The following PPARGC1B variants were observed in gnomAD, a reference collection of about 807,000 sequenced individuals.
PPARGC1B encodes the protein peroxisome proliferator-activated receptor gamma coactivator 1-beta.
Under a neutral mutation model 101.6 loss-of-function variants are expected in PPARGC1B, and 34 were observed. The observed-to-expected ratio is 0.33, with a 90% CI of 0.25 to 0.45. The LOEUF (loss-of-function observed/expected upper bound fraction) is 0.45, where lower values mean the gene tolerates loss of function less well. Among genes scored for constraint, PPARGC1B ranks in the 20% least tolerant of loss-of-function variants. PPARGC1B has a pLI of 1.00. For synonymous variants in PPARGC1B, 548 were observed against 539.3 expected (o/e 1.02, Z -0.22); for missense variants, 1,234 against 1,317.6 (o/e 0.94, Z 0.98).
In PPARGC1B at chr5:149,852,246, C is replaced by T. The variant is rs746319781; in HGVS notation, c.*4688C>T. 1 of 152,200 alleles carries T rather than the reference C, an allele frequency of 6.6e-6. No homozygotes were observed. Among genetic ancestry groups the T allele is most frequent in the Non-Finnish European group, 1.5e-5 (1 of 68,038 alleles). 9.4% of individuals were successfully genotyped at this position (152,200 alleles called of 1,614,324 possible). On this transcript the variant is annotated 3_prime_UTR_variant, in exon 12 of 12. Coordinates refer to ENST00000309241, the MANE Select transcript of PPARGC1B (RefSeq NM_133263.4). ...CTGTAAGCCATCTCAGAATCAGAAA[C>T]CCTAATGTTTCTTACTTGCTATGTG...
chr5:149,847,719 TCAA>T lies in PPARGC1B; in HGVS notation c.*162_*164del. On this transcript the variant is annotated 3_prime_UTR_variant, in exon 12 of 12. Coordinates refer to ENST00000309241, the MANE Select transcript of PPARGC1B (RefSeq NM_133263.4). ...TGCTGTCCTTTAAAAAAAAAAAAAA[TCAA>T]TGTTTACATTGAACAAAGCTGCTTC... The T allele has an allele frequency of 1.7e-6, 1 of 588,210 alleles. No homozygotes were observed. Among genetic ancestry groups the T allele is most frequent in the Non-Finnish European group, 3.0e-6 (1 of 330,884 alleles). The allele number at this position is 588,210 out of a possible 1,614,324, so 36.4% of individuals were successfully genotyped here.
rs1277860886 is a variant in PPARGC1B, at chr5:149,818,877, T to A, written c.79-1556T>A. 5 of 456,596 alleles carry A rather than the reference T, an allele frequency of 1.1e-5. No individual in the cohort carries two copies. The East Asian group carries it at 3.5e-4, about 32-fold the overall frequency. 28.3% of individuals were successfully genotyped at this position (456,596 alleles called of 1,614,324 possible). ...GGCAGATATTGTTGTTGTCCACGTT[T>A]TACAGATGAAGGGACTTGCCCAAAG... On this transcript the variant is annotated intron_variant, in intron 1 of 11. Transcript: ENST00000309241.
rs74399373 is a variant in PPARGC1B at position 149,803,223 on chromosome 5, C to T, written c.79-17210C>T. ...TTAGCACAGAGGATTCAGGTTGTGACTCCCCATCCAGTGTTCTCTACTATT... is the reference window on the plus strand; with the variant it reads ...TTAGCACAGAGGATTCAGGTTGTGATTCCCCATCCAGTGTTCTCTACTATT... On this transcript the variant is annotated intron_variant, in intron 1 of 11. Coordinates refer to ENST00000309241, the MANE Select transcript of PPARGC1B (RefSeq NM_133263.4). Among the ~76,000 whole-genome samples the T allele has an allele frequency of 5.0e-4, 76 of 152,296 alleles. 1 individual carries two copies. In the East Asian group the frequency reaches 0.012, roughly 24 times the overall value.
At chr5:149,767,704 C>T (rs1173152849) in intron 1 of PPARGC1B, among the ~76,000 whole-genome samples, 4 of 152,138 alleles carry the variant, frequency 2.6e-5, no homozygotes, top group African/African-American at 7.2e-5. Context: ...TCCCTTTGGA[C>T]ATCTGGCAGG....
intron 1 of PPARGC1B, among the ~76,000 whole-genome samples, chr5:149,761,053 G>A (rs1755699116): frequency 6.6e-6 from 1 of 152,124 alleles, no homozygotes; most frequent in Non-Finnish European, 1.5e-5. Context: ...AGACTGCTTG[G>A]GGTCTAATCC....
intron 2 of PPARGC1B, among the ~76,000 whole-genome samples, chr5:149,822,151 CAGA>C (rs1278477746): frequency 1.2e-4 from 18 of 152,272 alleles, no homozygotes; most frequent in African/African-American, 4.1e-4. Flanking sequence ...GGGCCAACTC[CAGA>C]AAATGCTTTT....
At chr5:149,739,528 G>A (rs1339699440) in intron 1 of PPARGC1B, among the ~76,000 whole-genome samples, 1 of 152,180 alleles carries the variant, frequency 6.6e-6, no homozygotes, top group Non-Finnish European at 1.5e-5. Flanking sequence ...TTCCAGAAGA[G>A]AGGAAGCTGA....
At chr5:149,757,376 G>A (rs1370740192) in intron 1 of PPARGC1B, among the ~76,000 whole-genome samples, 1 of 151,934 alleles carries the variant, frequency 6.6e-6, no homozygotes, top group African/African-American at 2.4e-5. Context: ...CAGGTGATAT[G>A]CTAGTTATAA....
chr5:149,850,934 A>C lies in PPARGC1B; in HGVS notation c.*3376A>C, dbSNP rs986642589. On this transcript the variant is annotated 3_prime_UTR_variant, in exon 12 of 12. Coordinates refer to ENST00000309241, the MANE Select transcript of PPARGC1B (RefSeq NM_133263.4). ...GGAAAATGCATCAAAGAGTTAAAGA[A>C]TATGAGTGGATGGAGTGCAGCTAAG... 1 of 152,162 alleles carries C rather than the reference A, an allele frequency of 6.6e-6. No homozygotes were observed. The highest frequency in any genetic ancestry group is 6.5e-5 in the Admixed American group (1 of 15,274). The allele number at this position is 152,162 out of a possible 1,614,324, so 9.4% of individuals were successfully genotyped here. A position where few individuals can be genotyped will look rare whatever the true frequency, so the allele number is the denominator to read the frequency against.
At chr5:149,751,954 A>G (rs1447937518) in intron 1 of PPARGC1B, among the ~76,000 whole-genome samples, 1 of 152,182 alleles carries the variant, frequency 6.6e-6, no homozygotes, top group African/African-American at 2.4e-5. Context: ...GGGAACAGCA[A>G]TCCCTGCATT....
Position 149,833,243 on chromosome 5 carries a change from G to T in PPARGC1B, c.1170G>T (p.Ser390=). ...AGGCCTCCCCTGGTCGCCCGTCCTC[G>T]GTGGAGGAGGTAAGGATCGCAGCTT... ...DSQASPGRPS[S]VEEVRIAASP... Residue 390 remains serine, a synonymous_variant, in exon 5 of 12, where the codon TCG becomes TCT. Transcript: ENST00000309241. The surrounding 1 kb of genome is among the most constrained non-coding windows in gnomAD (Gnocchi z 4.1). The T allele has an allele frequency of 1.2e-6, 2 of 1,613,336 alleles. No homozygotes were observed. The highest frequency in any genetic ancestry group is 1.7e-6 in the Non-Finnish European group (2 of 1,180,002).
chr5:149,765,214 T>C (rs1373771066), intron 1 of PPARGC1B, among the ~76,000 whole-genome samples: 1 of 152,242 alleles, frequency 6.6e-6, no homozygotes, highest in Non-Finnish European at 1.5e-5. Context: ...GGGGAGGGAA[T>C]ATGCCTGGGC....
intron 1 of PPARGC1B, among the ~76,000 whole-genome samples, chr5:149,760,121 G>A (rs932735386): frequency 2.0e-5 from 3 of 152,168 alleles, no homozygotes; most frequent in African/African-American, 7.2e-5. Flanking sequence ...CATTCCTTAC[G>A]CATACACTGT....
intron 1 of PPARGC1B, among the ~76,000 whole-genome samples, chr5:149,773,081 G>A (rs569572078): frequency 6.6e-6 from 1 of 152,300 alleles, no homozygotes; most frequent in African/African-American, 2.4e-5. Flanking sequence ...TGTTCTGCCC[G>A]TGTACCAGCT....
At chr5:149,733,969 A>G (rs538463487) in intron 1 of PPARGC1B, among the ~76,000 whole-genome samples, 1 of 152,318 alleles carries the variant, frequency 6.6e-6, no homozygotes, top group Non-Finnish European at 1.5e-5. Flanking sequence ...TAACCACTTA[A>G]TTGTCATGTA....
At chr5:149,800,101 C>G (rs1418534849) in intron 1 of PPARGC1B, among the ~76,000 whole-genome samples, 1 of 152,102 alleles carries the variant, frequency 6.6e-6, no homozygotes, top group African/African-American at 2.4e-5. Context: ...ATTCTCTGAC[C>G]TCTCCCATGC....
intron 1 of PPARGC1B, among the ~76,000 whole-genome samples, chr5:149,735,700 G>A (rs916781652): frequency 6.6e-6 from 1 of 152,220 alleles, no homozygotes; most frequent in Non-Finnish European, 1.5e-5. Flanking sequence ...GTAAGTAGAA[G>A]AGCCAGCATT....
In PPARGC1B at chr5:149,833,283, G is replaced by A. The variant is rs150104714; in HGVS notation, c.1210G>A (p.Gly404Arg). The change falls in exon 5 of 12, where the codon GGG (glycine) becomes AGG (arginine). Residue 404 changes from glycine to arginine, a missense_variant. Gly to Arg is a moderately radical substitution (Grantham distance 125). Around this residue, in one of 3 missense-constraint regions of PPARGC1B, gnomAD observed 734 missense variants for 768.4 expected, o/e 0.96. Transcript: ENST00000309241. The surrounding 1 kb of genome is among the most constrained non-coding windows in gnomAD (Gnocchi z 4.1). ...GATCGCAGCTTCACCCAAGAGCACCGGGCCCAGACCAAGCCTGCGCCCACT... is the reference window on the plus strand; with the variant it reads ...GATCGCAGCTTCACCCAAGAGCACCAGGCCCAGACCAAGCCTGCGCCCACT... ...VRIAASPKST[G>R]PRPSLRPLRL... 204 of 1,613,284 alleles carry A rather than the reference G, an allele frequency of 1.3e-4. No homozygotes were observed. The highest frequency in any genetic ancestry group is 1.7e-4 in the Non-Finnish European group (195 of 1,180,034).
intron 1 of PPARGC1B, among the ~76,000 whole-genome samples, chr5:149,814,069 T>C (rs1234268520): frequency 6.6e-6 from 1 of 152,236 alleles, no homozygotes; most frequent in Non-Finnish European, 1.5e-5. Context: ...CCACCACTCA[T>C]GGATGTCTGA....
Sources: allele counts gnomAD v4.1 joint callset (sites outside exome capture counted in the v4.1 genomes callset), GRCh38; gene constraint gnomAD v4.1.1; regional missense constraint gnomAD v4.1.1; non-coding constraint Gnocchi (gnomAD v3.1); transcripts MANE v1.5; gene names NCBI Gene and HGNC (gene_info 2026-07-23, HGNC 2026-07-21).